Variants in OR4M1 observed in about 807,000 individuals in gnomAD.
OR4M1 encodes the protein olfactory receptor 4M1.
OR4M1 carries 7 observed loss-of-function variants against 9.8 expected under a neutral mutation model. The ratio of observed to expected loss-of-function variants is 0.71; its 90% confidence interval spans 0.41 to 1.34. OR4M1 has a LOEUF of 1.34. Among genes scored for constraint, OR4M1 ranks in the 40% most tolerant of loss-of-function variants. The probability of loss-of-function intolerance (pLI) is 0.01; values close to 1 mark genes in which losing one functional copy is unlikely to be tolerated. For synonymous variants in OR4M1, 121 were observed against 139.8 expected (o/e 0.87, Z 0.95); for missense variants, 331 against 380.4 (o/e 0.87, Z 1.08).
chr14:19,778,301 ACTT>A (rs1465114402), intron 1 of OR4M1, among the ~76,000 whole-genome samples: 2 of 152,180 alleles, frequency 1.3e-5, no homozygotes, highest in Non-Finnish European at 2.9e-5. Flanking sequence ...GCCATTTTCT[ACTT>A]CTGTTTTGGT....
chr14:19,775,165 C>T (rs369119103), intron 1 of OR4M1, among the ~76,000 whole-genome samples: 30 of 152,328 alleles, frequency 2.0e-4, no homozygotes, highest in Non-Finnish European at 3.5e-4. Context: ...GGTTTTAACA[C>T]GGCAATTAAC....
At chr14:19,777,049 T>TATAG (rs58150334) in intron 1 of OR4M1, among the ~76,000 whole-genome samples, 1 of 115,770 alleles carries the variant, frequency 8.6e-6, no homozygotes, top group African/African-American at 3.5e-5. Flanking sequence ...TATATATATA[T>TATAG]TGTTTGTTTG....
chr14:19,780,123 T>C (rs1436988029), intron 1 of OR4M1, 171 bp from the exon 2 acceptor site: 5 of 608,312 alleles, frequency 8.2e-6, no homozygotes, highest in South Asian at 2.7e-5. Context: ...TCCCAATTTA[T>C]AAGTTCATCA....
chr14:19,776,276 C>T (rs78473370), intron 1 of OR4M1, among the ~76,000 whole-genome samples: 1,610 of 152,136 alleles, frequency 0.011, 19 homozygotes, highest in African/African-American at 0.037. Context: ...GTTAAAAATC[C>T]CTCCTTTTGC....
rs1384924329 is a variant in OR4M1, at chr14:19,783,171, A to G, written c.*1907A>G. 3 of 152,298 alleles carry G rather than the reference A, an allele frequency of 2.0e-5. No homozygotes were observed. Among genetic ancestry groups the G allele is most frequent in the Non-Finnish European group, 4.4e-5 (3 of 68,066 alleles). The allele number at this position is 152,298 out of a possible 1,614,324, so 9.4% of individuals were successfully genotyped here. ...TATCTGAAATTAGAAACTAATATCA[A>G]TGAAGAAAAAGGGGAACTTTTGGCA... is the stretch of plus-strand genomic sequence containing the variant. On this transcript the variant is annotated 3_prime_UTR_variant, in exon 2 of 2. Coordinates refer to ENST00000641200, the MANE Select transcript of OR4M1 (RefSeq NM_001005500.2).
chr14:19,777,149 C>T (rs1310356176), intron 1 of OR4M1, among the ~76,000 whole-genome samples: 4 of 150,632 alleles, frequency 2.7e-5, no homozygotes, highest in African/African-American at 9.7e-5. Context: ...GCTATTCTGT[C>T]GAGTTTTATT....
At chr14:19,777,034 ATATATATATATATATTGT>A (rs1394229750) in intron 1 of OR4M1, among the ~76,000 whole-genome samples, 1 of 128,618 alleles carries the variant, frequency 7.8e-6, no homozygotes, top group African/African-American at 2.9e-5. Flanking sequence ...ATATATATAT[ATATATATATATATATTGT>A]TTGTTTGTTT....
rs1257954550 is a variant in OR4M1 at position 19,782,241 on chromosome 14, C to A, written c.*977C>A. 6.6e-6 allele frequency: 1 copy of A among 152,208 alleles called. No individual in the cohort carries two copies. The highest frequency in any genetic ancestry group is 2.4e-5 in the African/African-American group (1 of 41,442). 9.4% of individuals were successfully genotyped at this position (152,208 alleles called of 1,614,324 possible). The stretch of plus-strand genomic sequence containing the variant: ...CCTGGATGTGTTGGTTCCCATGATC[C>A]CTTAGAGAATTATTAGGGACTGATT... On this transcript the variant is annotated 3_prime_UTR_variant, in exon 2 of 2. Transcript: ENST00000641200.
intron 1 of OR4M1, among the ~76,000 whole-genome samples, chr14:19,777,817 GT>G (rs1258848071): frequency 2.6e-5 from 4 of 152,160 alleles, no homozygotes; most frequent in African/African-American, 9.7e-5. Context: ...TTAGGTAATG[GT>G]TATGTTAATG....
chr14:19,782,895 T>A lies in OR4M1; in HGVS notation c.*1631T>A, dbSNP rs1878546619. On this transcript the variant is annotated 3_prime_UTR_variant, in exon 2 of 2. Coordinates refer to ENST00000641200, the MANE Select transcript of OR4M1 (RefSeq NM_001005500.2). Reference sequence around the variant, plus strand: ...ATATGATAAAATGATGAGTTATGTTTCTAAATCTTTTATCATCTTACTGTC... The same window carrying A: ...ATATGATAAAATGATGAGTTATGTTACTAAATCTTTTATCATCTTACTGTC... The A allele has an allele frequency of 6.6e-6, 1 of 152,206 alleles. No homozygotes were observed. The highest frequency in any genetic ancestry group is 1.5e-5 in the Non-Finnish European group (1 of 68,034). The allele number at this position is 152,206 out of a possible 1,614,324, so 9.4% of individuals were successfully genotyped here.
intron 1 of OR4M1, among the ~76,000 whole-genome samples, chr14:19,774,822 G>A (rs1337235169): frequency 6.6e-6 from 1 of 152,244 alleles, no homozygotes; most frequent in African/African-American, 2.4e-5. Context: ...GAGGCACATT[G>A]AGGCAGAGGT....
chr14:19,775,847 C>A (rs1349246533), intron 1 of OR4M1, among the ~76,000 whole-genome samples: 1 of 149,444 alleles, frequency 6.7e-6, no homozygotes, highest in South Asian at 2.1e-4. Context: ...AAATAAGCAG[C>A]AAATGATCTT....
chr14:19,780,664 G>T lies in OR4M1; in HGVS notation c.342G>T (p.Leu114Phe), dbSNP rs780229455. ...TTGTTGGGGCTTCGGAGATGTTCTT[G>T]CTCACAGTGATGGCCTATGACCGCT... is the stretch of plus-strand genomic sequence containing the variant. ...LHFVGASEMF[L>F]LTVMAYDRYA... Residue 114 changes from leucine to phenylalanine, a missense_variant, in exon 2 of 2, where the codon TTG becomes TTT. Leu to Phe is a conservative substitution (Grantham distance 22). This residue lies in a region of OR4M1 where 209 missense variants were observed against 200.0 expected (regional missense o/e 1.04). Transcript: ENST00000641200. The T allele has an allele frequency of 1.4e-5, 23 of 1,614,090 alleles. No individual in the cohort carries two copies. The South Asian group carries it at 2.5e-4, about 18-fold the overall frequency.
rs756288540 is a variant in OR4M1, at chr14:19,782,904, T to A, written c.*1640T>A. On this transcript the variant is annotated 3_prime_UTR_variant, in exon 2 of 2. Transcript: ENST00000641200. ...AATGATGAGTTATGTTTCTAAATCT[T>A]TTATCATCTTACTGTCATTTCTCTG... 1.3e-5 allele frequency: 2 copies of A among 152,220 alleles called. No individual in the cohort carries two copies. The highest frequency in any genetic ancestry group is 4.8e-5 in the African/African-American group (2 of 41,464). 9.4% of individuals were successfully genotyped at this position (152,220 alleles called of 1,614,324 possible). A position where few individuals can be genotyped will look rare whatever the true frequency, so the allele number is the denominator to read the frequency against.
At chr14:19,777,978 C>T (rs571042809) in intron 1 of OR4M1, among the ~76,000 whole-genome samples, 10 of 152,146 alleles carry the variant, frequency 6.6e-5, no homozygotes, top group Non-Finnish European at 1.3e-4. Context: ...TTAAGATGCT[C>T]CAGCAAAATA....
intron 1 of OR4M1, among the ~76,000 whole-genome samples, chr14:19,778,704 C>T (rs1878379766): frequency 6.6e-6 from 1 of 152,160 alleles, no homozygotes; most frequent in South Asian, 2.1e-4. Context: ...TAAGCTATAC[C>T]TGTTGCGTTA....
rs1454378583 is a variant in OR4M1 at position 19,782,512 on chromosome 14, A to T, written c.*1248A>T. 3 of 152,248 alleles carry T rather than the reference A, an allele frequency of 2.0e-5. No individual in the cohort carries two copies. Among genetic ancestry groups the T allele is most frequent in the African/African-American group, 7.2e-5 (3 of 41,458 alleles). The allele number at this position is 152,248 out of a possible 1,614,324, so 9.4% of individuals were successfully genotyped here. On this transcript the variant is annotated 3_prime_UTR_variant, in exon 2 of 2. Transcript: ENST00000641200. ...AATTAGATCCTTGTCAACATTAGGA[A>T]TGAATATATAAAAATAAATCGTATA...
rs763414013 is a variant in OR4M1, at chr14:19,780,388, G to C, written c.66G>C (p.Glu22Asp). ...TCACTGGCCTATCCCAGACTCGGGA[G>C]GTCCAACTAGTCCTATTTGTTATAT... ...FVLTGLSQTREVQLVLFVIFL... is the reference protein window; with the variant it reads ...FVLTGLSQTRDVQLVLFVIFL... Residue 22 changes from glutamate to aspartate, a missense_variant, in exon 2 of 2, where the codon GAG becomes GAC. Glu to Asp is a conservative substitution (Grantham distance 45). This residue lies in a region of OR4M1 where 209 missense variants were observed against 200.0 expected (regional missense o/e 1.04). Coordinates refer to ENST00000641200, the MANE Select transcript of OR4M1 (RefSeq NM_001005500.2). 1.9e-6 allele frequency: 3 copies of C among 1,614,182 alleles called. No homozygotes were observed. Among genetic ancestry groups the C allele is most frequent in the Non-Finnish European group, 2.5e-6 (3 of 1,179,988 alleles).
In OR4M1 at chr14:19,781,187, T is replaced by G; in HGVS notation, c.865T>G (p.Tyr289Asp). Residue 289 changes from tyrosine to aspartate, a missense_variant, in exon 2 of 2, where the codon TAC (tyrosine) becomes GAC (aspartate). Transcript: ENST00000641200. The stretch of plus-strand genomic sequence containing the variant: ...ATTCCCTTTACTTAATCCCATTATT[T>G]ACACATTGAGAAACAAGGAAGTAAA... ...VIFPLLNPII[Y>D]TLRNKEVKAA... The G allele has an allele frequency of 6.2e-7, 1 of 1,614,218 alleles. No individual in the cohort carries two copies. The highest frequency in any genetic ancestry group is 8.5e-7 in the Non-Finnish European group (1 of 1,180,014).
Sources: allele counts gnomAD v4.1 joint callset (sites outside exome capture counted in the v4.1 genomes callset), GRCh38; gene constraint gnomAD v4.1.1; regional missense constraint gnomAD v4.1.1; transcripts MANE v1.5; gene names NCBI Gene and HGNC (gene_info 2026-07-23, HGNC 2026-07-21).